HECTD4: variants seen among roughly 807,000 people sequenced by gnomAD.
HECTD4 encodes probable E3 ubiquitin-protein ligase HECTD4.
Under a neutral mutation model 471.5 loss-of-function variants are expected in HECTD4, and 114 were observed. The observed-to-expected ratio is 0.24, with a 90% CI of 0.21 to 0.28. The LOEUF (loss-of-function observed/expected upper bound fraction) is 0.28, where lower values mean the gene tolerates loss of function less well. Ranked by LOEUF, HECTD4 falls within the 10% of genes least tolerant of loss-of-function variation. The probability of loss-of-function intolerance (pLI) is 1.00; values close to 1 mark genes in which losing one functional copy is unlikely to be tolerated. For missense variants in HECTD4, 3,866 were observed against 5,651.5 expected, an observed-to-expected ratio of 0.68 and a Z score of 10.13; for synonymous variants, 2,012 against 2,256.0, an observed-to-expected ratio of 0.89 and a Z score of 3.07.
At chr12:112,227,951 T>C (rs2033283699) in intron 43 of HECTD4, 138 bp downstream of exon 43, 1 of 714,230 alleles carries the variant, frequency 1.4e-6, no homozygotes, top group Non-Finnish European at 2.2e-6. Context: ...TGTAAAAGAA[T>C]GGTTACTGTT....
At chr12:112,297,970 G>A (rs546883094) in intron 7 of HECTD4, among the ~76,000 whole-genome samples, 16 of 152,254 alleles carry the variant, frequency 1.1e-4, no homozygotes, top group Non-Finnish European at 1.8e-4. Flanking sequence ...GTATCATGGG[G>A]TGTCCACAGC....
At chr12:112,295,459 G>A (rs2034986781) in intron 7 of HECTD4, among the ~76,000 whole-genome samples, 1 of 149,860 alleles carries the variant, frequency 6.7e-6, no homozygotes, top group Non-Finnish European at 1.5e-5. Flanking sequence ...TTGGACTCCT[G>A]GACTGAAGTG....
chr12:112,201,485 T>A (rs1025500356), intron 54 of HECTD4: 9 of 154,298 alleles, frequency 5.8e-5, no homozygotes, highest in African/African-American at 7.3e-5. Context: ...AAAAAAAAAA[T>A]TTCAATCAAA....
At chr12:112,343,972 G>C (rs1354419606) in intron 1 of HECTD4, among the ~76,000 whole-genome samples, 1 of 152,198 alleles carries the variant, frequency 6.6e-6, no homozygotes, top group Non-Finnish European at 1.5e-5. Context: ...AATACTGTAT[G>C]AATAGCTCCG....
chr12:112,286,280 A>G (rs763993403), intron 7 of HECTD4, among the ~76,000 whole-genome samples: 7 of 152,194 alleles, frequency 4.6e-5, no homozygotes, highest in Non-Finnish European at 8.8e-5. Context: ...CCAAGTCCAC[A>G]TCATCTCAAG....
At position 112,264,153 on chromosome 12, in the gene HECTD4, A is replaced by C. The variant is rs573409144; in HGVS notation, c.2679T>G (p.Thr893=). Reference sequence around the variant, plus strand: ...CATTCTCATCAGGTTTAATCAAAATAGTGTTACTGAGAAGGTGATTCTGAA... The same window carrying C: ...CATTCTCATCAGGTTTAATCAAAATCGTGTTACTGAGAAGGTGATTCTGAA... The part of the protein sequence containing the change: ...MAVQNHLLSN[T]ILIKPDENDD... Residue 893 remains threonine (T), a synonymous_variant, in exon 17 of 76, where the codon ACT becomes ACG. Transcript: ENST00000682272. 5.7e-5 allele frequency: 92 copies of C among 1,607,172 alleles called. No individual in the cohort carries two copies. Among genetic ancestry groups the C allele is most frequent in the Non-Finnish European group, 7.7e-5 (91 of 1,176,734 alleles).
chr12:112,274,844 T>C lies in HECTD4; in HGVS notation c.1801+3A>G, dbSNP rs2034493459. The C allele has an allele frequency of 2.0e-6, 3 of 1,527,124 alleles. No homozygotes were observed. The highest frequency in any genetic ancestry group is 2.8e-5 in the African/African-American group (2 of 72,514). 94.6% of individuals were successfully genotyped at this position (1,527,124 alleles called of 1,614,324 possible). On this transcript the variant is annotated splice_donor_region_variant and intron_variant, in intron 10 of 75. Coordinates refer to ENST00000682272, the MANE Select transcript of HECTD4 (RefSeq NM_001388303.1). ...CAAAGATATGTGCAAGTTTATTTCT[T>C]ACCCAATCCTGGTACGAGAGCACCA...
Position 112,235,842 on chromosome 12 carries a change from A to G in HECTD4, c.5445-58T>C. ...TAGAAATGTTGATCTATAGACATTC[A>G]GAAGCAAGAGTTCTCTGAATGAAAC... On this transcript the variant is annotated intron_variant, in intron 35 of 75. Transcript: ENST00000682272. The surrounding 1 kb of genome is among the most constrained non-coding windows in gnomAD (Gnocchi z 5.0). The G allele has an allele frequency of 7.1e-7, 1 of 1,404,184 alleles. No individual in the cohort carries two copies. The highest frequency in any genetic ancestry group is 9.6e-7 in the Non-Finnish European group (1 of 1,038,024). 87.0% of individuals were successfully genotyped at this position (1,404,184 alleles called of 1,614,324 possible). A position where few individuals can be genotyped will look rare whatever the true frequency, so the allele number is the denominator to read the frequency against.
At chr12:112,196,844 G>A (rs1317395926) in intron 55 of HECTD4, among the ~76,000 whole-genome samples, 4 of 152,178 alleles carry the variant, frequency 2.6e-5, no homozygotes, top group South Asian at 4.2e-4. Flanking sequence ...CACTCAGGCT[G>A]GAGTGCAGTG....
At chr12:112,329,769 A>G (rs1376823624) in intron 1 of HECTD4, among the ~76,000 whole-genome samples, 3 of 152,214 alleles carry the variant, frequency 2.0e-5, no homozygotes, top group Non-Finnish European at 4.4e-5. Flanking sequence ...TCAAATCTTG[A>G]CAAAATAAAT....
At position 112,166,269 on chromosome 12, in the gene HECTD4, AC is replaced by A. The variant is rs1214364666; in HGVS notation, c.12534+1047del. 8 of 151,962 alleles carry A rather than the reference AC, an allele frequency of 5.3e-5. No individual in the cohort carries two copies. Among genetic ancestry groups the A allele is most frequent in the Admixed American group, 5.2e-4 (8 of 15,258 alleles). The allele number at this position is 151,962 out of a possible 1,614,324, so 9.4% of individuals were successfully genotyped here. On this transcript the variant is annotated intron_variant, in intron 72 of 75. Coordinates refer to ENST00000682272, the MANE Select transcript of HECTD4 (RefSeq NM_001388303.1). The surrounding 1 kb of genome is among the most constrained non-coding windows in gnomAD (Gnocchi z 4.6). Reference sequence around the variant, plus strand: ...TACCGAGAAGCCACTGGCATCCGGGACTCTGGCTCTGCTATTGTCTTGCAAT... The same window carrying A: ...TACCGAGAAGCCACTGGCATCCGGGATCTGGCTCTGCTATTGTCTTGCAAT...
At chr12:112,299,764 T>C (rs1262537233) in intron 7 of HECTD4, among the ~76,000 whole-genome samples, 9 of 152,272 alleles carry the variant, frequency 5.9e-5, no homozygotes, top group African/African-American at 2.2e-4. Flanking sequence ...ATTCAGACTC[T>C]GAATATTATT....
chr12:112,379,541 A>G (rs2036850368), intron 1 of HECTD4, among the ~76,000 whole-genome samples: 1 of 152,114 alleles, frequency 6.6e-6, no homozygotes, highest in Non-Finnish European at 1.5e-5. Flanking sequence ...TAAAAATACA[A>G]AAATTAGCCC....
At chr12:112,255,359 A>G (rs1386489454) in intron 21 of HECTD4, among the ~76,000 whole-genome samples, 2 of 152,178 alleles carry the variant, frequency 1.3e-5, no homozygotes, top group African/African-American at 2.4e-5. Flanking sequence ...TCTTGCTTCC[A>G]GCTAAGGTGA....
In HECTD4 at chr12:112,208,502, T is replaced by TGTCATCATC. The variant is rs1346628238; in HGVS notation, c.7987_7995dup (p.Asp2663_Asp2665dup). 2 of 1,592,014 alleles carry TGTCATCATC rather than the reference T, an allele frequency of 1.3e-6. No individual in the cohort carries two copies. Among genetic ancestry groups the TGTCATCATC allele is most frequent in the Admixed American group, 1.8e-5 (1 of 55,582 alleles). ...GCCTGTGGGTCTCTTACCTGAGGGA[T>TGTCATCATC]GTCATCATCGTCATCATCATCGCTT... is the stretch of plus-strand genomic sequence containing the variant. On this transcript the variant is annotated inframe_insertion, in exon 51 of 76. Coordinates refer to ENST00000682272, the MANE Select transcript of HECTD4 (RefSeq NM_001388303.1).
intron 39 of HECTD4, 147 bp from the exon 40 acceptor site, chr12:112,230,969 A>G (rs918270815): frequency 7.3e-6 from 5 of 685,418 alleles, no homozygotes; most frequent in African/African-American, 5.4e-5. Flanking sequence ...AAGAAGCTAC[A>G]TTATCATTAG....
At chr12:112,203,607 C>A in intron 54 of HECTD4, 29 bp downstream of exon 54, 1 of 1,594,234 alleles carries the variant, frequency 6.3e-7, no homozygotes, top group East Asian at 2.3e-5. Flanking sequence ...TATAAAATAG[C>A]TTATTAATCA....
At chr12:112,257,983 T>C (rs988006702) in intron 20 of HECTD4, among the ~76,000 whole-genome samples, 1 of 150,858 alleles carries the variant, frequency 6.6e-6, no homozygotes, top group Non-Finnish European at 1.5e-5. Flanking sequence ...AGGTCAGGAG[T>C]TCAAAACCAG....
At chr12:112,324,045 CCTTTCTTTCTTTCTTTCTTT>C (rs71083202) in intron 1 of HECTD4, among the ~76,000 whole-genome samples, 3 of 13,924 alleles carry the variant, frequency 2.2e-4, no homozygotes, top group Non-Finnish European at 4.2e-4. Flanking sequence ...TTCCTTCCTT[CCTTTCTTTCTTTCTTTCTTT>C]CTTTCTTTCT....
Sources: allele counts gnomAD v4.1 joint callset (sites outside exome capture counted in the v4.1 genomes callset), GRCh38; gene constraint gnomAD v4.1.1; non-coding constraint Gnocchi (gnomAD v3.1); transcripts MANE v1.5; gene names NCBI Gene and HGNC (gene_info 2026-07-23, HGNC 2026-07-21).